RSRC1: variants seen among roughly 807,000 people sequenced by gnomAD.
RSRC1 encodes arginine and serine rich coiled-coil 1.
In RSRC1, 39 loss-of-function variants were observed where a neutral mutation model predicts 49.1. The ratio of observed to expected loss-of-function variants is 0.79; its 90% CI spans 0.61 to 1.04. RSRC1 has a LOEUF of 1.04. Among genes scored for constraint, RSRC1 ranks in the 50% least tolerant of loss-of-function variants. RSRC1 has a pLI of 0.00. For synonymous variants in RSRC1, 143 were observed against 130.8 expected, an observed-to-expected ratio of 1.09 and a Z score of -0.63; for missense variants, 388 against 402.4, an observed-to-expected ratio of 0.96 and a Z score of 0.31.
At position 158,139,259 on chromosome 3, in the gene RSRC1, G is replaced by A. The variant is rs561880425; in HGVS notation, c.320+15268G>A. ...CTACTAAAAATACAAAAATTAGCTG[G>A]GCCTGGTGACGGGTGCCTGTAATCC... On this transcript the variant is annotated intron_variant, in intron 3 of 9. Coordinates refer to ENST00000611884, the MANE Select transcript of RSRC1 (RefSeq NM_001271838.2). Among the ~76,000 whole-genome samples the A allele has an allele frequency of 2.6e-5, 4 of 152,114 alleles. No homozygotes were observed. The South Asian group carries it at 8.3e-4, about 32-fold the overall frequency.
At chr3:158,248,301 A>T (rs1724014836) in intron 4 of RSRC1, among the ~76,000 whole-genome samples, 1 of 152,112 alleles carries the variant, frequency 6.6e-6, no homozygotes, top group Non-Finnish European at 1.5e-5. Flanking sequence ...TGTGTTTTTT[A>T]TTTGTGTCTA....
At chr3:158,137,654 T>C (rs1210492258) in intron 3 of RSRC1, among the ~76,000 whole-genome samples, 1 of 97,564 alleles carries the variant, frequency 1.0e-5, no homozygotes, top group African/African-American at 3.7e-5. Context: ...TTTTTCTTTT[T>C]CTTTTTTTTT....
At chr3:158,268,629 A>G (rs926501265) in intron 4 of RSRC1, among the ~76,000 whole-genome samples, 1 of 152,072 alleles carries the variant, frequency 6.6e-6, no homozygotes, top group African/African-American at 2.4e-5. Context: ...TGATTAGACT[A>G]TTTGTGGCGG....
intron 3 of RSRC1, among the ~76,000 whole-genome samples, chr3:158,180,214 A>C (rs1455194483): frequency 6.6e-6 from 1 of 151,860 alleles, no homozygotes; most frequent in Non-Finnish European, 1.5e-5. Context: ...ATTTTGGTGA[A>C]GTCTAGTTTT....
At chr3:158,388,711 G>A (rs1733100545) in intron 6 of RSRC1, among the ~76,000 whole-genome samples, 2 of 151,434 alleles carry the variant, frequency 1.3e-5, no homozygotes, top group Admixed American at 6.6e-5. Flanking sequence ...CCGGGTTGAC[G>A]CCATTCTCCT....
intron 6 of RSRC1, among the ~76,000 whole-genome samples, chr3:158,457,552 A>G (rs1737395141): frequency 6.6e-6 from 1 of 152,152 alleles, no homozygotes; most frequent in Admixed American, 6.5e-5. Context: ...TATGATAGAC[A>G]TATGTGTTAC....
chr3:158,472,674 T>G (rs554103138), intron 7 of RSRC1, among the ~76,000 whole-genome samples: 105 of 152,296 alleles, frequency 6.9e-4, no homozygotes, highest in African/African-American at 2.5e-3. Flanking sequence ...CTTTGCCCAC[T>G]TTTTGATGGG....
intron 1 of RSRC1, among the ~76,000 whole-genome samples, chr3:158,121,219 AAGT>A (rs1715237027): frequency 6.6e-6 from 1 of 151,950 alleles, no homozygotes; most frequent in Admixed American, 6.6e-5. Flanking sequence ...GTATTTGTAG[AAGT>A]AGGATTTCTC....
chr3:158,166,597 C>G (rs1473549403), intron 3 of RSRC1, among the ~76,000 whole-genome samples: 1 of 152,122 alleles, frequency 6.6e-6, no homozygotes, highest in East Asian at 1.9e-4. Flanking sequence ...TTTATTGAAA[C>G]TAGATGTGTG....
intron 4 of RSRC1, among the ~76,000 whole-genome samples, chr3:158,293,381 T>C (rs1727054190): frequency 6.6e-6 from 1 of 152,112 alleles, no homozygotes; most frequent in Admixed American, 6.5e-5. Context: ...CTGCCCCAGC[T>C]TTCTTTTGGT....
chr3:158,188,036 A>G (rs1038037971), intron 3 of RSRC1, among the ~76,000 whole-genome samples: 4 of 151,986 alleles, frequency 2.6e-5, no homozygotes, highest in East Asian at 1.9e-4. Context: ...TCACGTAGCT[A>G]TACTTTACCA....
intron 7 of RSRC1, among the ~76,000 whole-genome samples, chr3:158,524,432 T>A (rs1711882321): frequency 6.6e-6 from 1 of 152,054 alleles, no homozygotes; most frequent in African/African-American, 2.4e-5. Context: ...CACATAAACT[T>A]ATCATAAGGC....
intron 4 of RSRC1, among the ~76,000 whole-genome samples, chr3:158,295,662 T>C (rs1036573440): frequency 2.0e-5 from 3 of 152,048 alleles, no homozygotes; most frequent in African/African-American, 7.2e-5. Flanking sequence ...CATTTGATAG[T>C]GAAGGAAAGG....
chr3:158,316,493 G>A (rs868162127), intron 5 of RSRC1, among the ~76,000 whole-genome samples: 11 of 135,292 alleles, frequency 8.1e-5, no homozygotes, highest in Middle Eastern at 9.6e-3. Context: ...CGCCCAGGCT[G>A]GAGTGCAGTG....
intron 6 of RSRC1, among the ~76,000 whole-genome samples, chr3:158,422,109 T>C (rs868728195): frequency 5.3e-5 from 8 of 151,480 alleles, no homozygotes; most frequent in Middle Eastern, 3.2e-3. Context: ...AGTTTTAGGG[T>C]ACATGTGCAC....
intron 6 of RSRC1, among the ~76,000 whole-genome samples, chr3:158,364,758 A>G (rs1055928353): frequency 2.0e-5 from 3 of 151,502 alleles, no homozygotes; most frequent in Admixed American, 1.3e-4. Flanking sequence ...TACTGATGAA[A>G]CCATAGGAAA....
intron 7 of RSRC1, among the ~76,000 whole-genome samples, chr3:158,519,221 T>A (rs1251261368): frequency 6.6e-6 from 1 of 152,152 alleles, no homozygotes; most frequent in Non-Finnish European, 1.5e-5. Flanking sequence ...TATCTTTATC[T>A]CCTGTGCTAA....
chr3:158,301,973 G>GT (rs1727570926), intron 5 of RSRC1, among the ~76,000 whole-genome samples: 1 of 93,146 alleles, frequency 1.1e-5, no homozygotes, highest in East Asian at 4.5e-4. Flanking sequence ...TTGTTTTTTT[G>GT]TTTTTTGGGG....
At position 158,445,068 on chromosome 3, in the gene RSRC1, A is replaced by T. The variant is rs1416197916; in HGVS notation, c.584-15867A>T. Among the ~76,000 whole-genome samples the T allele has an allele frequency of 2.6e-5, 4 of 152,204 alleles. 1 individual carries two copies. Among genetic ancestry groups the T allele is most frequent in the Admixed American group, 6.5e-5 (1 of 15,270 alleles). On this transcript the variant is annotated intron_variant, in intron 6 of 9. Coordinates refer to ENST00000611884, the MANE Select transcript of RSRC1 (RefSeq NM_001271838.2). ...TACACTGTTGGTGGGACTGTAAACTAGTTCAACCATTGTGAAAGACAGTGT... is the reference window on the plus strand; with the variant it reads ...TACACTGTTGGTGGGACTGTAAACTTGTTCAACCATTGTGAAAGACAGTGT...
Sources: allele counts gnomAD v4.1 joint callset (sites outside exome capture counted in the v4.1 genomes callset), GRCh38; gene constraint gnomAD v4.1.1; transcripts MANE v1.5; gene names NCBI Gene and HGNC (gene_info 2026-07-23, HGNC 2026-07-21).